The following LTN1 variants were observed in gnomAD, a reference collection of about 807,000 sequenced individuals.
LTN1 encodes listerin E3 ubiquitin protein ligase 1.
LTN1 carries 88 observed loss-of-function variants against 201.2 expected under a neutral mutation model. The ratio of observed to expected loss-of-function variants is 0.44; its 90% confidence interval spans 0.37 to 0.52. LTN1 has a LOEUF of 0.52. LTN1 is among the 20% of genes least tolerant of loss of function. The probability of loss-of-function intolerance (pLI) is 0.00; values close to 1 mark genes in which losing one functional copy is unlikely to be tolerated. For synonymous variants in LTN1, 645 were observed against 713.5 expected, an observed-to-expected ratio of 0.90 and a Z score of 1.53; for missense variants, 1,752 against 2,038.7, an observed-to-expected ratio of 0.86 and a Z score of 2.71.
rs373321612 is a variant in LTN1, at chr21:28,970,701, G to A, written c.1026C>T (p.Pro342=). ...CTTCACGAATCACAGTTGATAGCTTGGGAAACACACTCTTTTTTGCATTTA... is the reference window on the plus strand; with the variant it reads ...CTTCACGAATCACAGTTGATAGCTTAGGAAACACACTCTTTTTTGCATTTA... The part of the protein sequence containing the change: ...LHVNAKKSVF[P]KLSTVIREGG... The change falls in exon 8 of 30, where the codon CCC becomes CCT. Residue 342 remains proline (P), a synonymous_variant. Transcript: ENST00000361371. The A allele has an allele frequency of 1.2e-6, 2 of 1,613,820 alleles. No homozygotes were observed. The highest frequency in any genetic ancestry group is 1.7e-6 in the Non-Finnish European group (2 of 1,179,894).
chr21:28,979,602 T>C (rs1473078591), intron 6 of LTN1, among the ~76,000 whole-genome samples: 1 of 152,146 alleles, frequency 6.6e-6, no homozygotes, highest in Non-Finnish European at 1.5e-5. Flanking sequence ...AAAAATACAG[T>C]CAATCCTCAC....
Position 28,992,838 on chromosome 21 carries a change from G to T in LTN1, c.-33C>A, listed in dbSNP as rs1401899992. On this transcript the variant is annotated 5_prime_UTR_variant, in exon 1 of 30. The change creates a new upstream start codon in the 5' untranslated region. Transcript: ENST00000361371. ...GTTGCAGCTGTACTCTGAGCACTCA[G>T]ACCCCGGTTGACACGTCCGGGACAC... is the stretch of plus-strand genomic sequence containing the variant. The T allele has an allele frequency of 6.2e-7, 1 of 1,614,054 alleles. No individual in the cohort carries two copies. Among genetic ancestry groups the T allele is most frequent in the Non-Finnish European group, 8.5e-7 (1 of 1,180,028 alleles).
At position 28,956,875 on chromosome 21, in the gene LTN1, T is replaced by A; in HGVS notation, c.2966A>T (p.Gln989Leu). 6.2e-7 allele frequency: 1 copy of A among 1,611,868 alleles called. No individual in the cohort carries two copies. ...YECFKTDFKE[Q>L]DIKTLPSHLC... ...ATGGCTGGGAAGTGTCTTTATGTCC[T>A]GTTCCTTAAAATCTGTTTTGAAACA... Residue 989 changes from glutamine to leucine, a missense_variant, in exon 16 of 30, where the codon CAG becomes CTG. Transcript: ENST00000361371.
At chr21:28,980,470 C>T (rs1206701071) in intron 6 of LTN1, among the ~76,000 whole-genome samples, 1 of 150,112 alleles carries the variant, frequency 6.7e-6, no homozygotes, top group Non-Finnish European at 1.5e-5. Context: ...GTGCAGCACA[C>T]CAGCATGGCA....
At chr21:28,938,319 C>G (rs1387975803) in intron 25 of LTN1, among the ~76,000 whole-genome samples, 2 of 151,974 alleles carry the variant, frequency 1.3e-5, no homozygotes, top group Non-Finnish European at 2.9e-5. Flanking sequence ...ATCAAAATAT[C>G]TGCAACTTAC....
chr21:28,935,579 G>A (rs921687497), intron 26 of LTN1, among the ~76,000 whole-genome samples: 5 of 152,000 alleles, frequency 3.3e-5, no homozygotes, highest in East Asian at 1.9e-4. Flanking sequence ...AGTGGCTCAC[G>A]CCTGTAATCC....
chr21:28,935,171 C>G lies in LTN1; in HGVS notation c.4813G>C (p.Val1605Leu), dbSNP rs1213536402. ...DRFTSKYVSS[V>L]LSFQEISSVQ... is the part of the protein sequence containing the mutation. Reference sequence around the variant, plus strand: ...GAAGATATTTCTTGAAAAGAAAGAACACTGCTGACATACTTGCTTGTAAAT... The same window carrying G: ...GAAGATATTTCTTGAAAAGAAAGAAGACTGCTGACATACTTGCTTGTAAAT... Residue 1605 changes from valine to leucine, a missense_variant, in exon 27 of 30, where the codon GTT becomes CTT. By Grantham distance (32) the Val-to-Leu change is conservative. Around this residue, in one of 3 missense-constraint regions of LTN1, gnomAD observed 261 missense variants for 350.1 expected, o/e 0.75. Coordinates refer to ENST00000361371, the MANE Select transcript of LTN1 (RefSeq NM_015565.3). 6.2e-7 allele frequency: 1 copy of G among 1,613,582 alleles called. No homozygotes were observed. Among genetic ancestry groups the G allele is most frequent in the East Asian group, 2.2e-5 (1 of 44,860 alleles).
chr21:28,958,408 C>G lies in LTN1; in HGVS notation c.2725G>C (p.Ala909Pro). ...TACCTGTTGATATCCAAAGATGAAGCCTGAACTTGGTTCTTCAGCCACAGA... is the reference window on the plus strand; with the variant it reads ...TACCTGTTGATATCCAAAGATGAAGGCTGAACTTGGTTCTTCAGCCACAGA... Reference protein sequence around the residue: ...SALWLKNQVQASSLDINSLQV... With the variant: ...SALWLKNQVQPSSLDINSLQV... The change falls in exon 14 of 30, where the codon GCT becomes CCT. Residue 909 changes from alanine to proline, a missense_variant. Physicochemically the swap from Ala to Pro is conservative, Grantham distance 27 (BLOSUM62 -1). This residue lies in a region of LTN1 where 1,211 missense variants were observed against 1,312.8 expected (regional missense o/e 0.92). Coordinates refer to ENST00000361371, the MANE Select transcript of LTN1 (RefSeq NM_015565.3). 8.1e-6 allele frequency: 13 copies of G among 1,605,016 alleles called. No homozygotes were observed. The highest frequency in any genetic ancestry group is 9.3e-6 in the Non-Finnish European group (11 of 1,177,376).
intron 1 of LTN1, among the ~76,000 whole-genome samples, chr21:28,990,414 T>C (rs1183687787): frequency 6.6e-6 from 1 of 152,236 alleles, no homozygotes; most frequent in Non-Finnish European, 1.5e-5. Flanking sequence ...AGTAATTAAT[T>C]CATTAGTTGG....
chr21:28,952,074 T>G (rs1282886894), intron 18 of LTN1, 86 bp downstream of exon 18: 2 of 686,704 alleles, frequency 2.9e-6, no homozygotes, highest in African/African-American at 3.7e-5. Flanking sequence ...TTTTCTTGAT[T>G]CATTAGAAAT....
At chr21:28,992,493 G>A (rs1220173028) in intron 1 of LTN1, among the ~76,000 whole-genome samples, 1 of 152,106 alleles carries the variant, frequency 6.6e-6, no homozygotes, top group African/African-American at 2.4e-5. Flanking sequence ...CAGTGAACCT[G>A]ACACATTATC....
intron 27 of LTN1, among the ~76,000 whole-genome samples, chr21:28,934,365 G>T (rs906093549): frequency 5.3e-5 from 8 of 152,176 alleles, no homozygotes; most frequent in African/African-American, 1.9e-4. Context: ...ATCTCATGCT[G>T]AATTGTAATC....
At chr21:28,933,575 G>A (rs2084228596) in intron 27 of LTN1, among the ~76,000 whole-genome samples, 1 of 152,016 alleles carries the variant, frequency 6.6e-6, no homozygotes, top group Non-Finnish European at 1.5e-5. Flanking sequence ...GCATTATTTG[G>A]GTTGGAGTAC....
chr21:28,986,690 G>C lies in LTN1; in HGVS notation c.246+41C>G, dbSNP rs753281065. 5 of 1,432,348 alleles carry C rather than the reference G, an allele frequency of 3.5e-6. No homozygotes were observed. The African/African-American group carries it at 7.0e-5, about 20-fold the overall frequency. 88.7% of individuals were successfully genotyped at this position (1,432,348 alleles called of 1,614,324 possible). On this transcript the variant is annotated intron_variant, in intron 2 of 29. Coordinates refer to ENST00000361371, the MANE Select transcript of LTN1 (RefSeq NM_015565.3). This position sits in a 1 kb window ranked among gnomAD's most constrained non-coding sequence, Gnocchi z 4.1. Reference sequence around the variant, plus strand: ...GCTAATGACATTTTATTTTAACAAAGGGATTTTCTTGATAATTTTTATGAA... The same window carrying C: ...GCTAATGACATTTTATTTTAACAAACGGATTTTCTTGATAATTTTTATGAA...
At chr21:28,975,800 T>C (rs1431191305) in intron 6 of LTN1, among the ~76,000 whole-genome samples, 4 of 152,224 alleles carry the variant, frequency 2.6e-5, no homozygotes, top group Non-Finnish European at 5.9e-5. Context: ...GAAAACATCT[T>C]GGTAGCTTCC....
Position 28,966,390 on chromosome 21 carries a change from CT to C in LTN1, c.2100del (p.Val701SerfsTer5), listed in dbSNP as rs753955477. The C allele has an allele frequency of 1.2e-6, 2 of 1,608,488 alleles. No individual in the cohort carries two copies. Among genetic ancestry groups the C allele is most frequent in the Non-Finnish European group, 1.7e-6 (2 of 1,178,510 alleles). On this transcript the variant is annotated frameshift_variant, in exon 10 of 30. Coordinates refer to ENST00000361371, the MANE Select transcript of LTN1 (RefSeq NM_015565.3). LOFTEE classifies it high-confidence loss of function. ...AATACCTTGGTTAGATCATCCAAGA[CT>C]TTTTTTCTTTCCATATCATTGTCAC... ...RCCDNDMERK[K>X]VLDDLTKVDL...
chr21:28,969,459 T>G lies in LTN1; in HGVS notation c.1311+7A>C. On this transcript the variant is annotated splice_region_variant and intron_variant, in intron 9 of 29. Transcript: ENST00000361371. ...AAAGAGACTGACGACTTTTACATTA[T>G]AGATACCTGATCATTGACGAGCATC... The G allele has an allele frequency of 6.2e-7, 1 of 1,606,976 alleles. No individual in the cohort carries two copies. The highest frequency in any genetic ancestry group is 8.5e-7 in the Non-Finnish European group (1 of 1,178,008).
At chr21:28,932,719 A>G in intron 27 of LTN1, 55 bp from the exon 28 acceptor site, 1 of 1,265,934 alleles carries the variant, frequency 7.9e-7, no homozygotes, top group South Asian at 1.3e-5. Flanking sequence ...TCAACCAGAA[A>G]ACATTTTGAT....
intron 25 of LTN1, among the ~76,000 whole-genome samples, chr21:28,937,367 T>C (rs1003795817): frequency 6.6e-6 from 1 of 152,202 alleles, no homozygotes; most frequent in African/African-American, 2.4e-5. Flanking sequence ...AAAGATATCA[T>C]TTTCTTTCCC....
Sources: allele counts gnomAD v4.1 joint callset (sites outside exome capture counted in the v4.1 genomes callset), GRCh38; gene constraint gnomAD v4.1.1; regional missense constraint gnomAD v4.1.1; non-coding constraint Gnocchi (gnomAD v3.1); transcripts MANE v1.5; gene names NCBI Gene and HGNC (gene_info 2026-07-23, HGNC 2026-07-21).